Variants in DPP10 observed in about 807,000 individuals in gnomAD.
DPP10 encodes inactive dipeptidyl peptidase 10.
DPP10 carries 33 observed loss-of-function variants against 120.9 expected under a neutral mutation model. The observed-to-expected ratio is 0.27, with a 90% CI of 0.21 to 0.37. DPP10 has a LOEUF of 0.37. Among genes scored for constraint, DPP10 ranks in the 10% least tolerant of loss-of-function variants. DPP10 has a pLI of 1.00. For missense variants in DPP10, 816 were observed against 942.8 expected (o/e 0.87, Z 1.76); for synonymous variants, 337 against 326.1 (o/e 1.03, Z -0.36).
chr2:115,324,186 G>C (rs746515384), intron 2 of DPP10, among the ~76,000 whole-genome samples: 3 of 152,144 alleles, frequency 2.0e-5, no homozygotes, highest in Non-Finnish European at 4.4e-5. Flanking sequence ...TGAGGCAGGA[G>C]AATCACTTGA....
chr2:115,415,878 CACACA>C (rs2069376890), intron 3 of DPP10, among the ~76,000 whole-genome samples: 1 of 57,108 alleles, frequency 1.8e-5, no homozygotes, highest in Admixed American at 2.0e-4. Flanking sequence ...TATATATATG[CACACA>C]CACACATACA....
chr2:114,697,175 A>G (rs1700116936), intron 1 of DPP10, among the ~76,000 whole-genome samples: 1 of 152,084 alleles, frequency 6.6e-6, no homozygotes, highest in Non-Finnish European at 1.5e-5. Flanking sequence ...TATCTGGGTT[A>G]CAACCACTTT....
intron 3 of DPP10, among the ~76,000 whole-genome samples, chr2:115,417,281 C>T (rs2069517138): frequency 6.6e-6 from 1 of 151,982 alleles, no homozygotes; most frequent in Admixed American, 6.6e-5. Flanking sequence ...ATGGAAACCC[C>T]CCAAATAATG....
intron 1 of DPP10, among the ~76,000 whole-genome samples, chr2:114,706,415 G>A (rs1463099386): frequency 2.0e-5 from 3 of 152,160 alleles, no homozygotes; most frequent in Non-Finnish European, 4.4e-5. Flanking sequence ...AACAGGGTTG[G>A]TTTCTTCTGA....
At chr2:115,203,079 T>C (rs1437535151) in intron 1 of DPP10, among the ~76,000 whole-genome samples, 1 of 152,174 alleles carries the variant, frequency 6.6e-6, no homozygotes, top group Non-Finnish European at 1.5e-5. Context: ...CAGCTCTCTA[T>C]GGTAACTAAC....
At chr2:115,640,034 G>C (rs1160411660) in intron 5 of DPP10, among the ~76,000 whole-genome samples, 4 of 150,420 alleles carry the variant, frequency 2.7e-5, no homozygotes, top group Admixed American at 2.7e-4. Context: ...CACCTACCTA[G>C]TAAGTGACTG....
intron 1 of DPP10, among the ~76,000 whole-genome samples, chr2:115,191,574 A>G (rs2054885208): frequency 6.6e-6 from 1 of 152,196 alleles, no homozygotes; most frequent in Non-Finnish European, 1.5e-5. Flanking sequence ...TAGATGAAAG[A>G]GAGTTACATT....
At chr2:115,126,656 T>G (rs915231807) in intron 1 of DPP10, among the ~76,000 whole-genome samples, 4 of 152,198 alleles carry the variant, frequency 2.6e-5, no homozygotes, top group Non-Finnish European at 4.4e-5. Context: ...CTGTTCTTTT[T>G]GTTCTTGCTG....
intron 3 of DPP10, among the ~76,000 whole-genome samples, chr2:115,390,800 A>T (rs1324166552): frequency 6.6e-6 from 1 of 152,168 alleles, no homozygotes; most frequent in Non-Finnish European, 1.5e-5. Context: ...AAAAATTGGG[A>T]TCTATGTGCC....
At chr2:114,592,750 T>C (rs1006208923) in intron 1 of DPP10, among the ~76,000 whole-genome samples, 3 of 152,150 alleles carry the variant, frequency 2.0e-5, no homozygotes, top group African/African-American at 7.2e-5. Flanking sequence ...AATGAGATAT[T>C]CTTATATATA....
chr2:115,522,054 T>G (rs1279808870), intron 4 of DPP10, among the ~76,000 whole-genome samples: 3 of 152,156 alleles, frequency 2.0e-5, no homozygotes, highest in Non-Finnish European at 4.4e-5. Context: ...CCAAGTATAT[T>G]TAGGATTGAA....
In DPP10 at chr2:115,815,723, T is replaced by A; in HGVS notation, c.1944T>A (p.Phe648Leu). ...TTGACTCCAAAAGATTAAGCATTTT[T>A]GGAAAGGTAAATAGTAGAAATGCTG... ...PYIDSKRLSI[F>L]GKGYGGYIAS... Residue 648 changes from phenylalanine (F) to leucine (L), a missense_variant, in exon 21 of 26, where the codon TTT (phenylalanine) becomes TTA (leucine). Transcript: ENST00000410059. 1 of 1,601,314 alleles carries A rather than the reference T, an allele frequency of 6.2e-7. No individual in the cohort carries two copies. The highest frequency in any genetic ancestry group is 8.5e-7 in the Non-Finnish European group (1 of 1,172,316).
At chr2:115,151,738 C>G (rs914770536) in intron 1 of DPP10, among the ~76,000 whole-genome samples, 2 of 146,852 alleles carry the variant, frequency 1.4e-5, no homozygotes, top group African/African-American at 2.5e-5. Context: ...TTTTTTAAAT[C>G]CTTGCTTTAT....
chr2:115,511,068 A>G (rs1468258320), intron 4 of DPP10, among the ~76,000 whole-genome samples: 3 of 152,080 alleles, frequency 2.0e-5, no homozygotes, highest in African/African-American at 4.8e-5. Context: ...GCTTTTTCCA[A>G]CTATGTCTTT....
chr2:115,166,901 C>T lies in DPP10; in HGVS notation c.61-142338C>T, dbSNP rs369434335. ...TCTTAAGCTTTACTACTTATAGGCA[C>T]ATTTTAAATTTACTTACAGTGTGAC... On this transcript the variant is annotated intron_variant, in intron 1 of 25. Coordinates refer to ENST00000410059, the MANE Select transcript of DPP10 (RefSeq NM_020868.6). 1.0e-3 allele frequency among the ~76,000 whole-genome samples: 153 copies of T among 152,198 alleles called. 1 individual carries two copies. The highest frequency in any genetic ancestry group is 2.9e-3 in the African/African-American group (122 of 41,524).
intron 1 of DPP10, among the ~76,000 whole-genome samples, chr2:115,274,771 C>T (rs993729192): frequency 1.3e-5 from 2 of 152,166 alleles, no homozygotes; most frequent in African/African-American, 4.8e-5. Flanking sequence ...GTTACATAAC[C>T]TTTATGCAAT....
At chr2:114,799,688 A>G (rs948316829) in intron 1 of DPP10, among the ~76,000 whole-genome samples, 5 of 152,212 alleles carry the variant, frequency 3.3e-5, no homozygotes, top group African/African-American at 9.7e-5. Context: ...GTTTTTACAC[A>G]GGGAAAAATA....
In DPP10 at chr2:115,768,199, A is replaced by G. The variant is rs150613585; in HGVS notation, c.1114-98A>G. 25 of 957,276 alleles carry G rather than the reference A, an allele frequency of 2.6e-5. No individual in the cohort carries two copies. In the African/African-American group the frequency reaches 3.5e-4, roughly 13 times the overall value. 59.3% of individuals were successfully genotyped at this position (957,276 alleles called of 1,614,324 possible). Reference sequence around the variant, plus strand: ...TGCCCATTTTCCTAACTAATTATAAATCAATATTTGGTATAACCCATGCAG... The same window carrying G: ...TGCCCATTTTCCTAACTAATTATAAGTCAATATTTGGTATAACCCATGCAG... On this transcript the variant is annotated intron_variant, in intron 12 of 25. Transcript: ENST00000410059.
At chr2:115,245,370 G>GA (rs372009380) in intron 1 of DPP10, among the ~76,000 whole-genome samples, 44 of 151,508 alleles carry the variant, frequency 2.9e-4, no homozygotes, top group Middle Eastern at 3.4e-3. Context: ...ACAAACATAT[G>GA]AAAAAAAATG....
Sources: gnomAD v4.1 joint callset for allele counts (sites outside exome capture counted in the v4.1 genomes callset) on GRCh38, gnomAD v4.1.1 for gene constraint, MANE v1.5 for transcripts, NCBI Gene and HGNC (gene_info 2026-07-23, HGNC 2026-07-21) for gene names.